The following CHRNB3 variants were observed in gnomAD, a reference collection of about 807,000 sequenced individuals.
The protein encoded by CHRNB3 is cholinergic receptor nicotinic beta 3 subunit.
A neutral mutation model predicts 40.6 loss-of-function variants in CHRNB3; 37 were observed. That is an observed-to-expected ratio of 0.91 (90% CI 0.70 to 1.20). CHRNB3 has a LOEUF of 1.20. Ranked by LOEUF, CHRNB3 falls within the 50% of genes most tolerant of loss-of-function variation. CHRNB3 has a pLI of 0.00. For synonymous variants in CHRNB3, 207 were observed against 207.1 expected, an observed-to-expected ratio of 1.00 and a Z score of 0.00; for missense variants, 505 against 551.2, an observed-to-expected ratio of 0.92 and a Z score of 0.84.
chr8:42,723,884 A>G (rs62518215), intron 3 of CHRNB3, among the ~76,000 whole-genome samples: 8,696 of 152,212 alleles, frequency 0.057, 326 homozygotes, highest in Middle Eastern at 0.11. Flanking sequence ...TCAGGAGTTC[A>G]AGACCAGCCT....
At chr8:42,726,107 TG>T in intron 3 of CHRNB3, 1 of 1,176,044 alleles carries the variant, frequency 8.5e-7, no homozygotes, top group Non-Finnish European at 1.2e-6. Context: ...TCTTTTTCTC[TG>T]CTCCTTCTTT....
intron 3 of CHRNB3, among the ~76,000 whole-genome samples, chr8:42,727,812 G>A (rs11990422): frequency 0.13 from 20,228 of 152,066 alleles, 1,976 homozygotes; most frequent in African/African-American, 0.27. Context: ...GCAGTGAGCC[G>A]AGACTGTGCG....
intron 3 of CHRNB3, among the ~76,000 whole-genome samples, chr8:42,729,017 G>A (rs1816354833): frequency 6.6e-6 from 1 of 151,706 alleles, no homozygotes; most frequent in Non-Finnish European, 1.5e-5. Context: ...AGAGGAGGAA[G>A]AAAAAAAGAG....
chr8:42,726,089 A>T (rs1473377122), intron 3 of CHRNB3: 3 of 1,007,348 alleles, frequency 3.0e-6, no homozygotes, highest in Admixed American at 3.7e-5. Flanking sequence ...TTTAAACCTG[A>T]GCCCTTTTCT....
chr8:42,718,350 T>A (rs1056896428), intron 3 of CHRNB3, among the ~76,000 whole-genome samples: 1 of 152,042 alleles, frequency 6.6e-6, no homozygotes, highest in Non-Finnish European at 1.5e-5. Context: ...CTTATTATCT[T>A]TTGGTCCTAT....
intron 1 of CHRNB3, among the ~76,000 whole-genome samples, chr8:42,698,580 C>T (rs554347907): frequency 2.0e-5 from 3 of 152,296 alleles, no homozygotes; most frequent in South Asian, 2.1e-4. Context: ...TTGTCAAAAA[C>T]GCCTTTTCTC....
chr8:42,705,220 A>G (rs1815901957), intron 1 of CHRNB3, among the ~76,000 whole-genome samples: 1 of 152,216 alleles, frequency 6.6e-6, no homozygotes, highest in African/African-American at 2.4e-5. Flanking sequence ...AAGGGAGCCC[A>G]GAGCTGAGCT....
chr8:42,710,495 G>A lies in CHRNB3; in HGVS notation c.249+61G>A, dbSNP rs138880882. 12 of 1,306,094 alleles carry A rather than the reference G, an allele frequency of 9.2e-6. No individual in the cohort carries two copies. In the East Asian group the frequency reaches 2.3e-4, roughly 25 times the overall value. The allele number at this position is 1,306,094 out of a possible 1,614,324, so 80.9% of individuals were successfully genotyped here. Reference sequence around the variant, plus strand: ...AGTCACTTATTTTCTATTTATAAAGGCTCCTATCTGAAAAACAATTATTTA... The same window carrying A: ...AGTCACTTATTTTCTATTTATAAAGACTCCTATCTGAAAAACAATTATTTA... On this transcript the variant is annotated intron_variant, in intron 3 of 5. Transcript: ENST00000289957.
At chr8:42,707,113 C>T (rs567773672) in intron 1 of CHRNB3, among the ~76,000 whole-genome samples, 1 of 152,300 alleles carries the variant, frequency 6.6e-6, no homozygotes, top group South Asian at 2.1e-4. Context: ...CCCTATCACT[C>T]ATTTGCATTT....
chr8:42,697,710 C>T, intron 1 of CHRNB3, 112 bp downstream of exon 1: 1 of 804,684 alleles, frequency 1.2e-6, no homozygotes, highest in Non-Finnish European at 2.1e-6. Flanking sequence ...GCACAAGATA[C>T]ATTTAGGATA....
At position 42,703,435 on chromosome 8, in the gene CHRNB3, A is replaced by AAAAAAAAAAAAATATATATATATATAT; in HGVS notation, c.53-5281_53-5280insAAAAAAAAAAATATATATATATATATA. On this transcript the variant is annotated intron_variant, in intron 1 of 5. Coordinates refer to ENST00000289957, the MANE Select transcript of CHRNB3 (RefSeq NM_000749.5). ...CAAGACTTCGTCTAAAAAAAAAAAAAATATTTATATATATATATATATATA... is the reference window on the plus strand; with the variant it reads ...CAAGACTTCGTCTAAAAAAAAAAAAAAAAAAAAAAAAATATATATATATATATATATTTATATATATATATATATATA... Among the ~76,000 whole-genome samples, 12 of 47,398 alleles carry AAAAAAAAAAAAATATATATATATATAT rather than the reference A, an allele frequency of 2.5e-4. 1 individual carries two copies. The highest frequency in any genetic ancestry group is 4.2e-4 in the Non-Finnish European group (9 of 21,522). The allele number at this position is 47,398 out of a possible 152,430, so 31.1% of individuals were successfully genotyped here.
At chr8:42,709,752 T>G (rs746427794) in intron 2 of CHRNB3, among the ~76,000 whole-genome samples, 1 of 152,146 alleles carries the variant, frequency 6.6e-6, no homozygotes, top group Non-Finnish European at 1.5e-5. Flanking sequence ...CTGCCTCAGC[T>G]TCCTGAGTAG....
At chr8:42,710,313 A>T in intron 2 of CHRNB3, 77 bp from the exon 3 acceptor site, 1 of 1,160,768 alleles carries the variant, frequency 8.6e-7, no homozygotes, top group South Asian at 1.3e-5. Flanking sequence ...TTGAGATCCC[A>T]TTTCTAAAAC....
intron 3 of CHRNB3, among the ~76,000 whole-genome samples, chr8:42,718,056 C>T (rs1371986995): frequency 1.3e-5 from 2 of 151,750 alleles, no homozygotes; most frequent in Non-Finnish European, 2.9e-5. Context: ...GTCTGGAACT[C>T]CTGACCTCAT....
At chr8:42,725,115 G>A (rs1470758455) in intron 3 of CHRNB3, among the ~76,000 whole-genome samples, 4 of 135,774 alleles carry the variant, frequency 2.9e-5, no homozygotes, top group Admixed American at 7.6e-5. Context: ...TTGAGACAGA[G>A]TTTTGCTCTT....
chr8:42,700,307 G>A (rs563152218), intron 1 of CHRNB3, among the ~76,000 whole-genome samples: 12 of 150,880 alleles, frequency 8.0e-5, no homozygotes, highest in South Asian at 4.2e-4. Flanking sequence ...GAGCCACTGC[G>A]CCCGGCCTTG....
rs544766982 is a variant in CHRNB3 at position 42,717,716 on chromosome 8, C to T, written c.249+7282C>T. Among the ~76,000 whole-genome samples, 38 of 151,898 alleles carry T rather than the reference C, an allele frequency of 2.5e-4. 2 individuals carry two copies. Among genetic ancestry groups the T allele is most frequent in the African/African-American group, 9.2e-4 (38 of 41,396 alleles). The stretch of plus-strand genomic sequence containing the variant: ...CTTCATCTATTAAATAGAGCTGATG[C>T]CTAGCTCACAGTGTTGTCTGGGGGG... On this transcript the variant is annotated intron_variant, in intron 3 of 5. Coordinates refer to ENST00000289957, the MANE Select transcript of CHRNB3 (RefSeq NM_000749.5).
chr8:42,713,201 G>A (rs1816048562), intron 3 of CHRNB3, among the ~76,000 whole-genome samples: 1 of 151,832 alleles, frequency 6.6e-6, no homozygotes, highest in African/African-American at 2.4e-5. Context: ...CCTTCACATG[G>A]GTATAGTAGG....
chr8:42,707,025 C>G (rs1256640828), intron 1 of CHRNB3, among the ~76,000 whole-genome samples: 3 of 152,180 alleles, frequency 2.0e-5, no homozygotes, highest in Admixed American at 2.0e-4. Context: ...TCCCAAAGTG[C>G]TAGGATTACA....
Sources: gnomAD v4.1 joint callset for allele counts (sites outside exome capture counted in the v4.1 genomes callset) on GRCh38, gnomAD v4.1.1 for gene constraint, MANE v1.5 for transcripts, NCBI Gene and HGNC (gene_info 2026-07-23, HGNC 2026-07-21) for gene names.